ESYT3: variants seen among roughly 807,000 people sequenced by gnomAD.
The protein encoded by ESYT3 is extended synaptotagmin 3.
A neutral mutation model predicts 111.5 loss-of-function variants in ESYT3; 101 were observed. The ratio of observed to expected loss-of-function variants is 0.91; its 90% confidence interval spans 0.77 to 1.07. ESYT3 has a LOEUF of 1.07. Among genes scored for constraint, ESYT3 ranks in the 50% least tolerant of loss-of-function variants. ESYT3 has a pLI of 0.00. For missense variants in ESYT3, 1,097 were observed against 1,109.4 expected (o/e 0.99, Z 0.16); for synonymous variants, 416 against 446.8 (o/e 0.93, Z 0.87).
chr3:138,453,723 G>A (rs2032090153), intron 2 of ESYT3, among the ~76,000 whole-genome samples: 2 of 152,208 alleles, frequency 1.3e-5, no homozygotes. Context: ...CAGTGCAGGA[G>A]GAACTCTACA....
chr3:138,445,958 G>A (rs1383789410), intron 1 of ESYT3, among the ~76,000 whole-genome samples: 1 of 152,210 alleles, frequency 6.6e-6, no homozygotes, highest in Non-Finnish European at 1.5e-5. Context: ...GAGAGGAAAT[G>A]GATGAGAAGA....
rs1317410292 is a variant in ESYT3 at position 138,479,002 on chromosome 3, C to T, written c.*2148C>T. 6.6e-6 allele frequency: 1 copy of T among 152,104 alleles called. No individual in the cohort carries two copies. The allele number at this position is 152,104 out of a possible 1,614,324, so 9.4% of individuals were successfully genotyped here. On this transcript the variant is annotated 3_prime_UTR_variant, in exon 23 of 23. Coordinates refer to ENST00000389567, the MANE Select transcript of ESYT3 (RefSeq NM_031913.5). ...GCCCCACAGGGTTGCCACTCCCATC[C>T]AGGGCACATATGCGACAACTGCAGC...
At chr3:138,460,530 G>C (rs2032569366) in intron 6 of ESYT3, 81 bp from the exon 7 acceptor site, 8 of 1,438,930 alleles carry the variant, frequency 5.6e-6, no homozygotes, top group Non-Finnish European at 7.8e-6. Flanking sequence ...CATTCACATG[G>C]GTGTGAGGCT....
intron 8 of ESYT3, chr3:138,462,569 A>G (rs780055801): frequency 3.6e-5 from 14 of 385,322 alleles, no homozygotes; most frequent in East Asian, 2.6e-4. Flanking sequence ...CCAAAGTCCA[A>G]TTAAAAAACA....
Position 138,457,658 on chromosome 3 carries a change from G to A in ESYT3, c.581+14G>A. 6.2e-7 allele frequency: 1 copy of A among 1,613,962 alleles called. No homozygotes were observed. The highest frequency in any genetic ancestry group is 8.5e-7 in the Non-Finnish European group (1 of 1,179,886). ...CCTGCAGATCTGGTGAGCTCTATCG[G>A]GCTGGGTATGGGCTTCGGGGTGCAG... is the stretch of plus-strand genomic sequence containing the variant. On this transcript the variant is annotated intron_variant, in intron 4 of 22. Coordinates refer to ENST00000389567, the MANE Select transcript of ESYT3 (RefSeq NM_031913.5).
intron 6 of ESYT3, 30 bp from the exon 7 acceptor site, chr3:138,460,581 C>T (rs1255462402): frequency 6.2e-7 from 1 of 1,613,302 alleles, no homozygotes; most frequent in Non-Finnish European, 8.5e-7. Flanking sequence ...CAACCCTTTC[C>T]AGCCTAATAG....
At chr3:138,465,831 A>C (rs1346618536) in intron 10 of ESYT3, among the ~76,000 whole-genome samples, 1 of 152,186 alleles carries the variant, frequency 6.6e-6, no homozygotes, top group Non-Finnish European at 1.5e-5. Flanking sequence ...TAAAATGATC[A>C]GGGTGGGGCT....
Position 138,472,565 on chromosome 3 carries a change from C to T in ESYT3, c.1943C>T (p.Thr648Ile). 2.5e-6 allele frequency: 4 copies of T among 1,614,220 alleles called. No individual in the cohort carries two copies. The highest frequency in any genetic ancestry group is 1.3e-5 in the African/African-American group (1 of 75,046). ...KDVSRSTTTTTSATTVATEPT... is the reference protein window; with the variant it reads ...KDVSRSTTTTISATTVATEPT... Reference sequence around the variant, plus strand: ...GTATCCAGGAGTACCACAACCACCACCAGTGCTACCACCGTTGCCACTGAG... The same window carrying T: ...GTATCCAGGAGTACCACAACCACCATCAGTGCTACCACCGTTGCCACTGAG... The change falls in exon 18 of 23, where the codon ACC becomes ATC. Residue 648 changes from threonine to isoleucine, a missense_variant. By Grantham distance (89) the Thr-to-Ile change is moderately conservative (BLOSUM62 -1). Transcript: ENST00000389567.
At chr3:138,455,441 T>G in intron 3 of ESYT3, 113 bp downstream of exon 3, 1 of 1,221,866 alleles carries the variant, frequency 8.2e-7, no homozygotes, top group Non-Finnish European at 1.1e-6. Context: ...GAGATCCCAC[T>G]GGACCTTACA....
At chr3:138,454,749 C>T (rs2032166530) in intron 2 of ESYT3, among the ~76,000 whole-genome samples, 1 of 152,174 alleles carries the variant, frequency 6.6e-6, no homozygotes, top group African/African-American at 2.4e-5. Context: ...GCAAAGGCTG[C>T]CTTTTCTGAT....
intron 22 of ESYT3, 59 bp downstream of exon 22, chr3:138,476,551 T>C: frequency 6.5e-7 from 1 of 1,542,548 alleles, no homozygotes. Flanking sequence ...GTTTTCCCTT[T>C]TCAGTACTGT....
intron 1 of ESYT3, among the ~76,000 whole-genome samples, chr3:138,436,419 C>A (rs984333054): frequency 3.3e-5 from 5 of 152,174 alleles, no homozygotes; most frequent in African/African-American, 4.8e-5. Context: ...AACTTAATTA[C>A]CACTTTAAAA....
chr3:138,469,483 CAAG>C lies in ESYT3; in HGVS notation c.1487_1489del (p.Lys496del). 6.2e-7 allele frequency: 1 copy of C among 1,613,922 alleles called. No homozygotes were observed. Among genetic ancestry groups the C allele is most frequent in the South Asian group, 1.1e-5 (1 of 91,056 alleles). On this transcript the variant is annotated inframe_deletion, in exon 15 of 23. Transcript: ENST00000389567. ...CTTCCTATGTCAAACTATCTGTAGG[CAAG>C]AAGACACATACAAGTAAGGTAAGAC...
At chr3:138,463,855 C>T (rs1008187908) in intron 8 of ESYT3, among the ~76,000 whole-genome samples, 6 of 151,592 alleles carry the variant, frequency 4.0e-5, no homozygotes, top group African/African-American at 1.5e-4. Context: ...CCCTGTAGTA[C>T]AGTCCAGAAT....
intron 1 of ESYT3, among the ~76,000 whole-genome samples, chr3:138,449,725 T>G (rs1490515203): frequency 6.6e-6 from 1 of 152,218 alleles, no homozygotes; most frequent in Non-Finnish European, 1.5e-5. Context: ...GGACAGCTAC[T>G]GGTGAGGTCA....
intron 16 of ESYT3, 161 bp from the exon 17 acceptor site, chr3:138,470,716 A>G: frequency 6.9e-7 from 1 of 1,451,342 alleles, no homozygotes; most frequent in Non-Finnish European, 9.0e-7. Flanking sequence ...GACAAGGACC[A>G]GGTCTGGCCT....
rs369447242 is a variant in ESYT3, at chr3:138,460,053, G to A, written c.738+19G>A. 2.7e-5 allele frequency: 44 copies of A among 1,610,214 alleles called. No individual in the cohort carries two copies. In the African/African-American group the frequency reaches 4.3e-4, roughly 16 times the overall value. On this transcript the variant is annotated intron_variant, in intron 6 of 22. Coordinates refer to ENST00000389567, the MANE Select transcript of ESYT3 (RefSeq NM_031913.5). ...GAAGCCGGTGAGTCCCAAGGACTGC[G>A]GTAAGCCTGCTGCTCCCTGGGAGTA...
chr3:138,447,936 A>G (rs768381002), intron 1 of ESYT3, among the ~76,000 whole-genome samples: 2 of 152,008 alleles, frequency 1.3e-5, no homozygotes, highest in Non-Finnish European at 2.9e-5. Flanking sequence ...ATAAATATCT[A>G]CTATTATCTA....
chr3:138,436,595 G>T lies in ESYT3; in HGVS notation c.327+1470G>T, dbSNP rs749605360. On this transcript the variant is annotated intron_variant, in intron 1 of 22. Transcript: ENST00000389567. ...GGGCCAAAGACTCTTCCTGATAAGG[G>T]TGCACACTTTTCTACGGTAGTAGCC... 2.6e-5 allele frequency among the ~76,000 whole-genome samples: 4 copies of T among 152,316 alleles called. No individual in the cohort carries two copies. In the South Asian group the frequency reaches 8.3e-4, roughly 32 times the overall value.
Sources: allele counts gnomAD v4.1 joint callset (sites outside exome capture counted in the v4.1 genomes callset), GRCh38; gene constraint gnomAD v4.1.1; transcripts MANE v1.5; gene names NCBI Gene and HGNC (gene_info 2026-07-23, HGNC 2026-07-21).